Variants in NIPBL observed in about 807,000 individuals in gnomAD.
NIPBL encodes the protein nipped-B-like protein.
NIPBL carries 19 observed loss-of-function variants against 321.8 expected under a neutral mutation model. That is an observed-to-expected ratio of 0.06 (90% CI 0.04 to 0.09). The LOEUF (loss-of-function observed/expected upper bound fraction) is 0.09, where lower values mean the gene tolerates loss of function less well. Ranked by LOEUF, NIPBL falls within the 10% of genes least tolerant of loss-of-function variation. The pLI is 1.00. For synonymous variants in NIPBL, 1,106 were observed against 1,114.1 expected, an observed-to-expected ratio of 0.99 and a Z score of 0.14; for missense variants, 2,210 against 3,327.0, an observed-to-expected ratio of 0.66 and a Z score of 8.26.
intron 1 of NIPBL, among the ~76,000 whole-genome samples, chr5:36,892,096 G>A (rs1746374073): frequency 6.6e-6 from 1 of 152,122 alleles, no homozygotes; most frequent in Non-Finnish European, 1.5e-5. Context: ...TGGTCAAATT[G>A]TACTAATGAT....
chr5:37,026,312 A>T lies in NIPBL; in HGVS notation c.5793A>T (p.Leu1931Phe). Reference protein sequence around the residue: ...NDKEAMTRKILNITDVVAACR... With the variant: ...NDKEAMTRKIFNITDVVAACR... ...AAGAAGCAATGACAAGGAAAATTTT[A>T]AACATTACCGATGTGGTAAGAAGGA... Residue 1931 changes from leucine to phenylalanine, a missense_variant, in exon 31 of 47, where the codon TTA (leucine) becomes TTT (phenylalanine). Coordinates refer to ENST00000282516, the MANE Select transcript of NIPBL (RefSeq NM_133433.4). The T allele has an allele frequency of 6.2e-7, 1 of 1,605,004 alleles. No individual in the cohort carries two copies. Among genetic ancestry groups the T allele is most frequent in the South Asian group, 1.1e-5 (1 of 90,570 alleles).
At chr5:37,015,312 C>T (rs961125091) in intron 22 of NIPBL, among the ~76,000 whole-genome samples, 27 of 152,030 alleles carry the variant, frequency 1.8e-4, no homozygotes, top group African/African-American at 3.4e-4. Flanking sequence ...TCAGTAGAGA[C>T]GGGGTTTCCC....
Position 36,970,897 on chromosome 5 carries a change from T to C in NIPBL, c.632T>C (p.Val211Ala). Residue 211 changes from valine (V) to alanine (A), a missense_variant, in exon 7 of 47, where the codon GTT (valine) becomes GCT (alanine). By Grantham distance (64) the Val-to-Ala change is moderately conservative. Transcript: ENST00000282516. ...TCAGCATCGGTATCAAGTCCCATTG[T>C]TGCAGGTGGTTTGAGAAACATACAT... ...MQQASVSSPI[V>A]AGGLRNIHDN... is the part of the protein sequence containing the mutation. The C allele has an allele frequency of 1.2e-6, 2 of 1,613,814 alleles. No individual in the cohort carries two copies. Among genetic ancestry groups the C allele is most frequent in the Non-Finnish European group, 1.7e-6 (2 of 1,179,780 alleles).
intron 16 of NIPBL, among the ~76,000 whole-genome samples, chr5:37,005,792 TAA>T (rs1747361278): frequency 6.6e-6 from 1 of 152,166 alleles, no homozygotes; most frequent in South Asian, 2.1e-4. Flanking sequence ...TAAATTAAAA[TAA>T]AGTCTTCTGT....
chr5:37,042,280 C>T (rs1425253597), intron 34 of NIPBL, among the ~76,000 whole-genome samples: 3 of 150,666 alleles, frequency 2.0e-5, no homozygotes, highest in Non-Finnish European at 4.4e-5. Flanking sequence ...ACTAAAAATA[C>T]AAAAATTAGC....
Position 37,044,440 on chromosome 5 carries a change from A to T in NIPBL, c.6202A>T (p.Thr2068Ser). 1 of 1,614,044 alleles carries T rather than the reference A, an allele frequency of 6.2e-7. No homozygotes were observed. Among genetic ancestry groups the T allele is most frequent in the Non-Finnish European group, 8.5e-7 (1 of 1,179,918 alleles). ...GCATCCAAGTGAAACTTTTCTTGCC[A>T]CTATTGAGGAAGATCTAATGAAGCT... is the stretch of plus-strand genomic sequence containing the variant. Reference protein sequence around the residue: ...MEHPSETFLATIEEDLMKLII... With the variant: ...MEHPSETFLASIEEDLMKLII... The change falls in exon 35 of 47, where the codon ACT becomes TCT. Residue 2068 changes from threonine (T) to serine (S), a missense_variant. Physicochemically the swap from Thr to Ser is moderately conservative, Grantham distance 58 (BLOSUM62 1). This residue lies in a region of NIPBL where 73 missense variants were observed against 222.3 expected (regional missense o/e 0.33). Transcript: ENST00000282516.
chr5:37,032,856 T>A lies in NIPBL; in HGVS notation c.5863-3523T>A, dbSNP rs1174910256. 7.4e-5 allele frequency among the ~76,000 whole-genome samples: 11 copies of A among 148,206 alleles called. No individual in the cohort carries two copies. In the East Asian group the frequency reaches 2.1e-3, roughly 29 times the overall value. On this transcript the variant is annotated intron_variant, in intron 32 of 46. Transcript: ENST00000282516. ...CATGATAAAACTTTTTTCAACTCTT[T>A]TGTTTGGCTGAAATTTTTCGTAATA... is the stretch of plus-strand genomic sequence containing the variant.
At chr5:36,971,365 C>T (rs994568990) in intron 7 of NIPBL, among the ~76,000 whole-genome samples, 20 of 151,506 alleles carry the variant, frequency 1.3e-4, no homozygotes, top group African/African-American at 4.9e-4. Flanking sequence ...GACCCCTGAC[C>T]TTGAGGTTTA....
At chr5:36,877,571 C>G (rs1745186144) in intron 1 of NIPBL, among the ~76,000 whole-genome samples, 1 of 152,232 alleles carries the variant, frequency 6.6e-6, no homozygotes, top group African/African-American at 2.4e-5. Context: ...AACAATACAA[C>G]TAACAGCAAA....
Position 37,000,514 on chromosome 5 carries a change from G to A in NIPBL, c.3446G>A (p.Arg1149Gln), listed in dbSNP as rs1404650429. 4 of 1,613,426 alleles carry A rather than the reference G, an allele frequency of 2.5e-6. No homozygotes were observed. Among genetic ancestry groups the A allele is most frequent in the Non-Finnish European group, 3.4e-6 (4 of 1,179,530 alleles). The change falls in exon 12 of 47, where the codon CGA becomes CAA. Residue 1149 changes from arginine to glutamine, a missense_variant. Around this residue, in one of 14 missense-constraint regions of NIPBL, gnomAD observed 381 missense variants for 642.3 expected, o/e 0.59. Transcript: ENST00000282516. ...RSSGGGRYRN[R>Q]SPSDSDMEDY... The stretch of plus-strand genomic sequence containing the variant: ...TCAGGTGGTGGTCGTTATCGAAACC[G>A]AAGTCCGTCAGATTCTGACATGGAA...
chr5:36,953,654 G>C lies in NIPBL; in HGVS notation c.-43G>C. The stretch of plus-strand genomic sequence containing the variant: ...TGGGAAGTAATGACAGCTGGCACCT[G>C]AACTAAGTACTTTTATAGGCAACAC... On this transcript the variant is annotated 5_prime_UTR_variant, in exon 2 of 47. An upstream open reading frame in the 5' UTR loses its in-frame stop. Transcript: ENST00000282516. 6.5e-7 allele frequency: 1 copy of C among 1,545,848 alleles called. No homozygotes were observed. The highest frequency in any genetic ancestry group is 8.9e-7 in the Non-Finnish European group (1 of 1,117,878).
At position 36,955,452 on chromosome 5, in the gene NIPBL, T is replaced by G. The variant is rs562041950; in HGVS notation, c.65-20T>G. 1.2e-5 allele frequency: 19 copies of G among 1,604,884 alleles called. No individual in the cohort carries two copies. In the East Asian group the frequency reaches 4.2e-4, roughly 36 times the overall value. On this transcript the variant is annotated intron_variant, in intron 2 of 46. Transcript: ENST00000282516. ...TCTATAGTCACTCAATTTCTAATAA[T>G]CTGATTTTATTCCAAATAGTCCTGA...
At position 37,026,392 on chromosome 5, in the gene NIPBL, T is replaced by C. The variant is rs1265742790; in HGVS notation, c.5808+65T>C. On this transcript the variant is annotated intron_variant, in intron 31 of 46. Transcript: ENST00000282516. ...CAGACCTAATTGAGGCCTACATGTC[T>C]TATGAAGGAAGAGACAATAATGAGA... 44 of 863,504 alleles carry C rather than the reference T, an allele frequency of 5.1e-5. No homozygotes were observed. The South Asian group carries it at 5.6e-4, about 11-fold the overall frequency. The allele number at this position is 863,504 out of a possible 1,614,324, so 53.5% of individuals were successfully genotyped here. A position where few individuals can be genotyped will look rare whatever the true frequency, so the allele number is the denominator to read the frequency against.
At chr5:36,957,368 A>G (rs1741083576) in intron 3 of NIPBL, among the ~76,000 whole-genome samples, 1 of 152,224 alleles carries the variant, frequency 6.6e-6, no homozygotes. Flanking sequence ...ACAGTATCTT[A>G]TTTGTAAGAC....
At chr5:36,932,102 G>C (rs1749821219) in intron 1 of NIPBL, among the ~76,000 whole-genome samples, 1 of 151,956 alleles carries the variant, frequency 6.6e-6, no homozygotes, top group Non-Finnish European at 1.5e-5. Context: ...TTCTTTTGTT[G>C]TCAGGGAACA....
At chr5:37,061,507 G>A (rs1245297987) in intron 45 of NIPBL, among the ~76,000 whole-genome samples, 2 of 152,124 alleles carry the variant, frequency 1.3e-5, no homozygotes, top group South Asian at 2.1e-4. Flanking sequence ...GCAAATCCCC[G>A]TATCTATAAA....
intron 1 of NIPBL, among the ~76,000 whole-genome samples, chr5:36,916,423 A>C (rs2149551805): frequency 6.6e-6 from 1 of 152,332 alleles, no homozygotes; most frequent in Middle Eastern, 3.4e-3. Context: ...GTTTAGTATC[A>C]GTTGTTTTAC....
chr5:37,057,494 T>G (rs979523576), intron 43 of NIPBL, among the ~76,000 whole-genome samples, 162 bp downstream of exon 43: 1 of 152,246 alleles, frequency 6.6e-6, no homozygotes, highest in Non-Finnish European at 1.5e-5. Context: ...TGGGAGAGGA[T>G]GTACATTGCC....
chr5:37,049,352 T>C (rs1753285983), intron 40 of NIPBL, 51 bp downstream of exon 40: 1 of 1,554,674 alleles, frequency 6.4e-7, no homozygotes, highest in Non-Finnish European at 8.9e-7. Context: ...AGATTAGTTG[T>C]AATTTGATAC....
Sources: gnomAD v4.1 joint callset for allele counts (sites outside exome capture counted in the v4.1 genomes callset) on GRCh38, gnomAD v4.1.1 for gene constraint, gnomAD v4.1.1 regional missense constraint, MANE v1.5 for transcripts, NCBI Gene and HGNC (gene_info 2026-07-23, HGNC 2026-07-21) for gene names.